Variants in CEP128 observed in about 807,000 individuals in gnomAD.
The protein encoded by CEP128 is centrosomal protein 128kDa.
In CEP128, 132 loss-of-function variants were observed where a neutral mutation model predicts 156.7. The observed-to-expected ratio is 0.84, with a 90% confidence interval of 0.73 to 0.97. CEP128 has a LOEUF of 0.97. Among genes scored for constraint, CEP128 ranks in the 50% least tolerant of loss-of-function variants. The pLI, the probability that CEP128 is intolerant of heterozygous loss-of-function variation, is 0.00. For missense variants in CEP128, 1,252 were observed against 1,281.9 expected (o/e 0.98, Z 0.36); for synonymous variants, 469 against 448.9 (o/e 1.04, Z -0.57).
chr14:80,626,583 C>A (rs1893739235), intron 19 of CEP128, among the ~76,000 whole-genome samples: 1 of 151,658 alleles, frequency 6.6e-6, no homozygotes, highest in African/African-American at 2.4e-5. Context: ...AGGAAGGGGC[C>A]ACAACCCAAG....
intron 19 of CEP128, among the ~76,000 whole-genome samples, chr14:80,595,885 C>A (rs1235944188): frequency 2.0e-5 from 3 of 151,872 alleles, no homozygotes; most frequent in Non-Finnish European, 2.9e-5. Context: ...CTTATAAAAC[C>A]ATCGGATCTC....
intron 13 of CEP128, among the ~76,000 whole-genome samples, chr14:80,799,199 C>A (rs1315867624): frequency 6.6e-6 from 1 of 152,132 alleles, no homozygotes; most frequent in Non-Finnish European, 1.5e-5. Context: ...AGTCAGGGAC[C>A]CCAAACGGAG....
intron 6 of CEP128, among the ~76,000 whole-genome samples, chr14:80,491,209 T>C (rs896380833): frequency 2.6e-5 from 4 of 152,160 alleles, no homozygotes; most frequent in Non-Finnish European, 4.4e-5. Flanking sequence ...CACAAAAGAC[T>C]TCTCCAGTGG....
chr14:80,924,509 G>C (rs531159979), intron 2 of CEP128, among the ~76,000 whole-genome samples: 2 of 152,088 alleles, frequency 1.3e-5, no homozygotes, highest in Non-Finnish European at 2.9e-5. Flanking sequence ...TATTATAAAC[G>C]GTGAGCTAAG....
chr14:80,635,158 T>G (rs1894128716), intron 19 of CEP128, among the ~76,000 whole-genome samples: 1 of 152,218 alleles, frequency 6.6e-6, no homozygotes. Flanking sequence ...TAGAAATGTT[T>G]CTGGCTTTAT....
intron 13 of CEP128, among the ~76,000 whole-genome samples, chr14:80,796,583 C>G (rs67330037): frequency 6.6e-6 from 1 of 152,060 alleles, no homozygotes; most frequent in Admixed American, 6.6e-5. Context: ...AGTTCTCTAT[C>G]TTCTTATTCT....
intron 3 of CEP128, among the ~76,000 whole-genome samples, chr14:80,914,752 C>T (rs1743262105): frequency 6.6e-6 from 1 of 152,084 alleles, no homozygotes; most frequent in Admixed American, 6.6e-5. Flanking sequence ...AAAAGGAATT[C>T]TGAAAGAGCA....
At chr14:80,837,341 T>A (rs143607263) in intron 11 of CEP128, among the ~76,000 whole-genome samples, 19 of 152,362 alleles carry the variant, frequency 1.2e-4, no homozygotes, top group African/African-American at 4.6e-4. Flanking sequence ...GTAAGATGGT[T>A]ATTTAAAGTT....
chr14:80,776,407 A>C (rs1274770570), intron 16 of CEP128, among the ~76,000 whole-genome samples: 1 of 151,278 alleles, frequency 6.6e-6, no homozygotes, highest in African/African-American at 2.4e-5. Flanking sequence ...TTAGCAACAT[A>C]AGCACATTTA....
rs559515359 is a variant in CEP128, at chr14:80,721,830, C to T, written c.2806+21245G>A. 3.0e-4 allele frequency among the ~76,000 whole-genome samples: 46 copies of T among 151,306 alleles called. No individual in the cohort carries two copies. The South Asian group carries it at 9.2e-3, about 30-fold the overall frequency. On this transcript the variant is annotated intron_variant, in intron 19 of 24. Transcript: ENST00000555265. ...CTGGTTAAATGATTTCAAAACGTTG[C>T]TTAATAATTGTTTGAGCAAAGTGAT...
At chr14:80,520,860 T>TCACC (rs1450429319) in intron 23 of CEP128, among the ~76,000 whole-genome samples, 7 of 152,120 alleles carry the variant, frequency 4.6e-5, no homozygotes, top group Admixed American at 4.6e-4. Flanking sequence ...TCTCGCTCTG[T>TCACC]CACCCAGGCT....
In CEP128 at chr14:80,497,436, T is replaced by C; in HGVS notation, c.*43A>G. ...TGCTGTAAGAATAGAGATGTTATTATTTGTAACATACTCATGTAAAATAAC... is the reference window on the plus strand; with the variant it reads ...TGCTGTAAGAATAGAGATGTTATTACTTGTAACATACTCATGTAAAATAAC... On this transcript the variant is annotated 3_prime_UTR_variant, in exon 25 of 25. Transcript: ENST00000555265. 1 of 1,303,966 alleles carries C rather than the reference T, an allele frequency of 7.7e-7. No individual in the cohort carries two copies. Among genetic ancestry groups the C allele is most frequent in the Non-Finnish European group, 1.1e-6 (1 of 907,184 alleles). The allele number at this position is 1,303,966 out of a possible 1,614,324, so 80.8% of individuals were successfully genotyped here.
At chr14:80,951,923 A>G (rs1886474280) in intron 2 of CEP128, among the ~76,000 whole-genome samples, 1 of 152,072 alleles carries the variant, frequency 6.6e-6, no homozygotes, top group African/African-American at 2.4e-5. Flanking sequence ...AATAACAATG[A>G]AGAGAACAAG....
chr14:80,727,681 TAAAC>T (rs1333657668), intron 19 of CEP128, among the ~76,000 whole-genome samples: 1 of 151,420 alleles, frequency 6.6e-6, no homozygotes, highest in African/African-American at 2.4e-5. Context: ...CAAGCAAAAA[TAAAC>T]AACCCCATTA....
chr14:80,824,486 T>C (rs1458701386), intron 13 of CEP128, among the ~76,000 whole-genome samples: 1 of 152,220 alleles, frequency 6.6e-6, no homozygotes, highest in Non-Finnish European at 1.5e-5. Context: ...AGCACCCAAG[T>C]CACCTCTTGA....
At position 80,941,676 on chromosome 14, in the gene CEP128, A is replaced by T. The variant is rs1352524863; in HGVS notation, c.-267T>A. ...ACCAGTGACCCAGAAGGTGCAACTGACCAAACGCAGCGACTCAACCGACTG... is the reference window on the plus strand; with the variant it reads ...ACCAGTGACCCAGAAGGTGCAACTGTCCAAACGCAGCGACTCAACCGACTG... On this transcript the variant is annotated 5_prime_UTR_variant, in exon 1 of 25. Transcript: ENST00000555265. The T allele has an allele frequency of 6.5e-6, 1 of 152,800 alleles. No individual in the cohort carries two copies. Among genetic ancestry groups the T allele is most frequent in the South Asian group, 2.1e-4 (1 of 4,824 alleles). 9.5% of individuals were successfully genotyped at this position (152,800 alleles called of 1,614,324 possible).
chr14:80,703,483 T>C (rs557479708), intron 19 of CEP128, among the ~76,000 whole-genome samples: 1 of 151,900 alleles, frequency 6.6e-6, no homozygotes, highest in African/African-American at 2.4e-5. Context: ...ATTTTAAAAA[T>C]CCAAAAGCTT....
At chr14:80,896,462 A>AT (rs1377447524) in intron 7 of CEP128, among the ~76,000 whole-genome samples, 1 of 152,026 alleles carries the variant, frequency 6.6e-6, no homozygotes, top group East Asian at 1.9e-4. Context: ...AACTCGAGAC[A>AT]TTTTCGATGG....
intron 8 of CEP128, among the ~76,000 whole-genome samples, chr14:80,865,294 G>T (rs1397316512): frequency 6.6e-6 from 1 of 152,150 alleles, no homozygotes; most frequent in Non-Finnish European, 1.5e-5. Flanking sequence ...ATTCCATTGG[G>T]TGTATATACG....
Sources: gnomAD v4.1 joint callset for allele counts (sites outside exome capture counted in the v4.1 genomes callset) on GRCh38, gnomAD v4.1.1 for gene constraint, MANE v1.5 for transcripts, NCBI Gene and HGNC (gene_info 2026-07-23, HGNC 2026-07-21) for gene names.